TECPR2: variants seen among roughly 807,000 people sequenced by gnomAD.
TECPR2 encodes the protein tectonin beta-propeller repeat containing 2, also known as tectonin beta-propeller repeat-containing protein 2.
In TECPR2, 65 loss-of-function variants were observed where a neutral mutation model predicts 138.1. The observed-to-expected ratio is 0.47, with a 90% CI of 0.39 to 0.58. TECPR2 has a LOEUF of 0.58. Among genes scored for constraint, TECPR2 ranks in the 20% least tolerant of loss-of-function variants. The pLI, the probability that TECPR2 is intolerant of heterozygous loss-of-function variation, is 0.00. For synonymous variants in TECPR2, 746 were observed against 749.8 expected, an observed-to-expected ratio of 0.99 and a Z score of 0.08; for missense variants, 1,553 against 1,824.5, an observed-to-expected ratio of 0.85 and a Z score of 2.71.
chr14:102,412,189 T>C (rs768601987), intron 4 of TECPR2, among the ~76,000 whole-genome samples: 12 of 142,678 alleles, frequency 8.4e-5, no homozygotes, highest in Non-Finnish European at 1.2e-4. Context: ...TGGTGCACAG[T>C]GGTGCAATCA....
intron 3 of TECPR2, among the ~76,000 whole-genome samples, chr14:102,407,778 C>T (rs767529518): frequency 3.9e-5 from 6 of 152,078 alleles, no homozygotes; most frequent in Non-Finnish European, 8.8e-5. Context: ...AGGCAGATCA[C>T]GAGGTCAGGA....
At position 102,415,985 on chromosome 14, in the gene TECPR2, T is replaced by TA. The variant is rs1437113873; in HGVS notation, c.638+1193dup. On this transcript the variant is annotated intron_variant, in intron 5 of 19. Transcript: ENST00000359520. The surrounding 1 kb of genome is among the most constrained non-coding windows in gnomAD (Gnocchi z 4.3). ...CCCTGTGGTCGTAGTCACTGCCCGT[T>TA]ATTCTGTGTTCTGGGCTTTGCGGCA... Among the ~76,000 whole-genome samples, 1 of 152,230 alleles carries TA rather than the reference T, an allele frequency of 6.6e-6. No individual in the cohort carries two copies. The highest frequency in any genetic ancestry group is 1.5e-5 in the Non-Finnish European group (1 of 68,040).
intron 16 of TECPR2, among the ~76,000 whole-genome samples, chr14:102,463,298 T>C (rs1345435690): frequency 6.6e-6 from 1 of 150,814 alleles, no homozygotes; most frequent in East Asian, 2.0e-4. Flanking sequence ...GTGCCTGTAA[T>C]CCCAGCTACT....
chr14:102,411,488 T>C (rs1273570746), intron 4 of TECPR2, among the ~76,000 whole-genome samples: 1 of 152,178 alleles, frequency 6.6e-6, no homozygotes, highest in Admixed American at 6.5e-5. Flanking sequence ...CTTGTGAAAG[T>C]CCTTTTCCTG....
intron 4 of TECPR2, among the ~76,000 whole-genome samples, chr14:102,411,729 A>AAAAAAAAAAAAAAG: frequency 1.5e-5 from 2 of 132,376 alleles, no homozygotes; most frequent in Non-Finnish European, 3.4e-5. Flanking sequence ...AAAAAAAAAA[A>AAAAAAAAAAAAAAG]AAGAAGATGG....
intron 17 of TECPR2, among the ~76,000 whole-genome samples, chr14:102,473,494 G>C (rs1417608552): frequency 6.6e-6 from 1 of 152,226 alleles, no homozygotes; most frequent in African/African-American, 2.4e-5. Flanking sequence ...CATCTGCGTA[G>C]AGGATGTATT....
intron 17 of TECPR2, among the ~76,000 whole-genome samples, chr14:102,467,452 G>A (rs1429825718): frequency 6.6e-6 from 1 of 151,504 alleles, no homozygotes; most frequent in Non-Finnish European, 1.5e-5. Context: ...AGCCTCCTGA[G>A]TAGCTGAGAT....
At chr14:102,497,742 C>T (rs1891327376) in intron 19 of TECPR2, 23 bp downstream of exon 19, 1 of 1,581,160 alleles carries the variant, frequency 6.3e-7, no homozygotes, top group Non-Finnish European at 8.6e-7. Flanking sequence ...GGCCAGTGGG[C>T]TTAAGGCCCC....
intron 1 of TECPR2, among the ~76,000 whole-genome samples, chr14:102,366,865 C>T (rs1335076694): frequency 1.3e-5 from 2 of 152,064 alleles, no homozygotes; most frequent in Non-Finnish European, 2.9e-5. Context: ...GATTATGAAG[C>T]ACATATGATA....
intron 10 of TECPR2, among the ~76,000 whole-genome samples, chr14:102,440,089 C>G (rs761376881): frequency 5.3e-5 from 8 of 152,246 alleles, no homozygotes; most frequent in Admixed American, 1.3e-4. Context: ...CAGTGTTTCT[C>G]CTCCCGTGTG....
chr14:102,394,118 A>G (rs569363954), intron 2 of TECPR2, among the ~76,000 whole-genome samples: 142 of 152,232 alleles, frequency 9.3e-4, no homozygotes, highest in Non-Finnish European at 1.2e-3. Context: ...CATTCATCTC[A>G]TGTTACCCAA....
intron 17 of TECPR2, among the ~76,000 whole-genome samples, chr14:102,495,605 C>T (rs73353410): frequency 0.086 from 13,164 of 152,202 alleles, 741 homozygotes; most frequent in African/African-American, 0.17. Flanking sequence ...CTGGGAAGAC[C>T]GGTTGGTCCT....
rs574580388 is a variant in TECPR2, at chr14:102,419,912, C to G, written c.639-5067C>G. On this transcript the variant is annotated intron_variant, in intron 5 of 19. Transcript: ENST00000359520. This position sits in a 1 kb window ranked among gnomAD's most constrained non-coding sequence, Gnocchi z 4.8. ...GACGCAGCAATCTGTAGGTGTGGCG[C>G]CCGCATGTGGGTAAGAGCCAGCAGC... Among the ~76,000 whole-genome samples the G allele has an allele frequency of 2.0e-4, 31 of 152,262 alleles. No homozygotes were observed. Among genetic ancestry groups the G allele is most frequent in the East Asian group, 1.4e-3 (7 of 5,174 alleles).
rs556297717 is a variant in TECPR2 at position 102,479,868 on chromosome 14, G to T, written c.3789+14579G>T. 3.3e-5 allele frequency among the ~76,000 whole-genome samples: 5 copies of T among 152,348 alleles called. No homozygotes were observed. The South Asian group carries it at 1.0e-3, about 32-fold the overall frequency. On this transcript the variant is annotated intron_variant, in intron 17 of 19. Coordinates refer to ENST00000359520, the MANE Select transcript of TECPR2 (RefSeq NM_014844.5). ...CACGCAGGTGCCTTGGAGAGGCATT[G>T]GGCAGATGGCATGTGGCCATTTCCA...
chr14:102,387,322 G>A (rs571349260), intron 2 of TECPR2, among the ~76,000 whole-genome samples: 1 of 152,246 alleles, frequency 6.6e-6, no homozygotes, highest in South Asian at 2.1e-4. Context: ...AGTGCCAAAA[G>A]CACTGAGAAA....
chr14:102,473,253 T>C (rs1439894491), intron 17 of TECPR2, among the ~76,000 whole-genome samples: 1 of 152,192 alleles, frequency 6.6e-6, no homozygotes, highest in Non-Finnish European at 1.5e-5. Context: ...ATAGGCTTAG[T>C]GGCCTCACAC....
intron 17 of TECPR2, 115 bp downstream of exon 17, chr14:102,465,404 G>C: frequency 1.4e-6 from 2 of 1,467,220 alleles, no homozygotes; most frequent in South Asian, 1.4e-5. Context: ...CAAATGCGGG[G>C]AGCCATGCCC....
Position 102,435,191 on chromosome 14 carries a change from G to C in TECPR2, c.2374G>C (p.Gly792Arg), listed in dbSNP as rs375125759. ...GAGCCGGCTGGGTGCAGAGGACGCC[G>C]GGCTGCTCAAGCCAGATCAGGTATG... Reference protein sequence around the residue: ...DLSRLGAEDAGLLKPDQFAES... With the variant: ...DLSRLGAEDARLLKPDQFAES... The change falls in exon 9 of 20, where the codon GGG becomes CGG. Residue 792 changes from glycine to arginine, a missense_variant. Coordinates refer to ENST00000359520, the MANE Select transcript of TECPR2 (RefSeq NM_014844.5). The C allele has an allele frequency of 1.2e-6, 2 of 1,610,732 alleles. No individual in the cohort carries two copies. The highest frequency in any genetic ancestry group is 1.7e-6 in the Non-Finnish European group (2 of 1,179,104).
At chr14:102,406,986 A>G (rs896090371) in intron 2 of TECPR2, among the ~76,000 whole-genome samples, 1 of 152,118 alleles carries the variant, frequency 6.6e-6, no homozygotes, top group African/African-American at 2.4e-5. Context: ...CAGCCTCCCA[A>G]ATAGCTGGGA....
Sources: gnomAD v4.1 joint callset for allele counts (sites outside exome capture counted in the v4.1 genomes callset) on GRCh38, gnomAD v4.1.1 for gene constraint, Gnocchi (gnomAD v3.1) non-coding constraint, MANE v1.5 for transcripts, NCBI Gene and HGNC (gene_info 2026-07-23, HGNC 2026-07-21) for gene names.